Variants in SNW1 observed in about 807,000 individuals in gnomAD.
The protein encoded by SNW1 is SNW domain-containing protein 1.
Under a neutral mutation model 75.6 loss-of-function variants are expected in SNW1, and 9 were observed. The observed-to-expected ratio is 0.12, with a 90% CI of 0.07 to 0.21. The LOEUF is 0.21. Among genes scored for constraint, SNW1 ranks in the 10% least tolerant of loss-of-function variants. SNW1 has a pLI of 1.00. For missense variants in SNW1, 409 were observed against 670.9 expected (o/e 0.61, Z 4.31); for synonymous variants, 200 against 219.1 (o/e 0.91, Z 0.77).
rs7150066 is a variant in SNW1 at position 77,749,948 on chromosome 14, C to A, written c.330+1371G>T. Among the ~76,000 whole-genome samples the A allele has an allele frequency of 6.7e-3, 996 of 149,408 alleles. 13 individuals carry two copies. The highest frequency in any genetic ancestry group is 0.023 in the African/African-American group (942 of 40,540). On this transcript the variant is annotated intron_variant, in intron 3 of 13. Coordinates refer to ENST00000261531, the MANE Select transcript of SNW1 (RefSeq NM_012245.3). ...AGGTGCAGTGGCTCACGCCTGTGAT[C>A]CCAGCACTTTGGGTGGCAGAAGCAG...
chr14:77,738,005 A>AAAG (rs1555387643), intron 5 of SNW1, among the ~76,000 whole-genome samples: 40 of 150,722 alleles, frequency 2.7e-4, no homozygotes, highest in African/African-American at 9.3e-4. Flanking sequence ...AAAAAAAAAA[A>AAAG]AAAAAGAAAA....
chr14:77,721,889 C>T (rs1270445289), intron 11 of SNW1, among the ~76,000 whole-genome samples: 2 of 152,032 alleles, frequency 1.3e-5, no homozygotes, highest in Non-Finnish European at 1.5e-5. Flanking sequence ...CTGGGACTAC[C>T]GGCATGTGCC....
intron 10 of SNW1, among the ~76,000 whole-genome samples, chr14:77,727,762 A>T (rs546086747): frequency 6.6e-6 from 1 of 152,176 alleles, no homozygotes. Flanking sequence ...ATGATGAATG[A>T]TATTTTTTAA....
In SNW1 at chr14:77,735,911, A is replaced by G. The variant is rs746550598; in HGVS notation, c.708+26T>C. The G allele has an allele frequency of 1.8e-5, 29 of 1,596,980 alleles. No homozygotes were observed. In the Admixed American group the frequency reaches 4.9e-4, roughly 27 times the overall value. On this transcript the variant is annotated intron_variant, in intron 7 of 13. Coordinates refer to ENST00000261531, the MANE Select transcript of SNW1 (RefSeq NM_012245.3). The stretch of plus-strand genomic sequence containing the variant: ...AATTAATAACCATGAGTAGAAAAAA[A>G]TATTTTGGACTACAGCAAAGAATAC...
intron 5 of SNW1, among the ~76,000 whole-genome samples, chr14:77,737,932 C>T (rs1355619598): frequency 1.6e-5 from 2 of 128,902 alleles, no homozygotes; most frequent in Admixed American, 9.4e-5. Context: ...GCAGAGGTTG[C>T]AGTGAGCCAA....
chr14:77,758,025 T>C (rs1017327044), intron 1 of SNW1, among the ~76,000 whole-genome samples: 9 of 47,630 alleles, frequency 1.9e-4, no homozygotes, highest in Admixed American at 1.8e-3. Flanking sequence ...TATCTATCTA[T>C]TGCAATCAAT....
At chr14:77,725,319 G>A (rs2080576455) in intron 10 of SNW1, among the ~76,000 whole-genome samples, 1 of 152,164 alleles carries the variant, frequency 6.6e-6, no homozygotes, top group Non-Finnish European at 1.5e-5. Flanking sequence ...CTGTGCAGAA[G>A]CTTTTCAGCT....
At position 77,720,840 on chromosome 14, in the gene SNW1, T is replaced by TA; in HGVS notation, c.1131-13dup. 1 of 1,544,994 alleles carries TA rather than the reference T, an allele frequency of 6.5e-7. No homozygotes were observed. Among genetic ancestry groups the TA allele is most frequent in the Non-Finnish European group, 8.9e-7 (1 of 1,118,156 alleles). The stretch of plus-strand genomic sequence containing the variant: ...TCTGAAGTTTCGACCTATTTTGAAA[T>TA]ACGACATCACTAACTGAAAACTCTT... On this transcript the variant is annotated splice_polypyrimidine_tract_variant and intron_variant, in intron 11 of 13. Coordinates refer to ENST00000261531, the MANE Select transcript of SNW1 (RefSeq NM_012245.3).
At chr14:77,725,020 CT>C (rs933797855) in intron 10 of SNW1, among the ~76,000 whole-genome samples, 1 of 152,088 alleles carries the variant, frequency 6.6e-6, no homozygotes, top group African/African-American at 2.4e-5. Context: ...CTATTATTGC[CT>C]TTTTAATGAT....
At chr14:77,721,743 TTTTTTTA>T (rs767118557) in intron 11 of SNW1, among the ~76,000 whole-genome samples, 52 of 152,184 alleles carry the variant, frequency 3.4e-4, no homozygotes, top group Non-Finnish European at 4.7e-4. Context: ...TTTATTTTTA[TTTTTTTA>T]TTTTTTATTT....
At chr14:77,759,417 G>A (rs2080868135) in intron 1 of SNW1, among the ~76,000 whole-genome samples, 1 of 152,162 alleles carries the variant, frequency 6.6e-6, no homozygotes, top group Admixed American at 6.5e-5. Flanking sequence ...GGGCGCTGAG[G>A]CAGGAGGATC....
Position 77,718,131 on chromosome 14 carries a change from G to C in SNW1, c.1568C>G (p.Pro523Arg). Reference sequence around the variant, plus strand: ...CTTGCCTTCATGCTCGTGTTCCTTGGGGCGGCTGCTATCTGAGGGTCTTTT... The same window carrying C: ...CTTGCCTTCATGCTCGTGTTCCTTGCGGCGGCTGCTATCTGAGGGTCTTTT... ...GSKRPSDSSR[P>R]KEHEHEGKKR... Residue 523 changes from proline to arginine, a missense_variant, in exon 14 of 14, where the codon CCC becomes CGC. This residue lies in a region of SNW1 where 24 missense variants were observed against 31.0 expected (regional missense o/e 0.77). Transcript: ENST00000261531. 1 of 1,609,018 alleles carries C rather than the reference G, an allele frequency of 6.2e-7. No homozygotes were observed. The highest frequency in any genetic ancestry group is 8.5e-7 in the Non-Finnish European group (1 of 1,177,894).
At chr14:77,743,008 C>T (rs938779912) in intron 3 of SNW1, among the ~76,000 whole-genome samples, 1 of 151,570 alleles carries the variant, frequency 6.6e-6, no homozygotes, top group African/African-American at 2.4e-5. Context: ...GGTGGATCAC[C>T]TGAGGTTGGG....
At position 77,718,001 on chromosome 14, in the gene SNW1, T is replaced by G. The variant is rs2080503113; in HGVS notation, c.*87A>C. Reference sequence around the variant, plus strand: ...ATCTGGCACCCAGATTTGGTTTTTATCCTGACCATTTACAAAGTGTTCCCC... The same window carrying G: ...ATCTGGCACCCAGATTTGGTTTTTAGCCTGACCATTTACAAAGTGTTCCCC... On this transcript the variant is annotated 3_prime_UTR_variant, in exon 14 of 14. Transcript: ENST00000261531. The G allele has an allele frequency of 7.6e-7, 1 of 1,312,452 alleles. No homozygotes were observed. Among genetic ancestry groups the G allele is most frequent in the Non-Finnish European group, 1.0e-6 (1 of 962,534 alleles). The allele number at this position is 1,312,452 out of a possible 1,614,324, so 81.3% of individuals were successfully genotyped here. A position where few individuals can be genotyped will look rare whatever the true frequency, so the allele number is the denominator to read the frequency against.
intron 12 of SNW1, 108 bp downstream of exon 12, chr14:77,720,603 T>C (rs1187047129): frequency 1.2e-6 from 1 of 817,592 alleles, no homozygotes; most frequent in Non-Finnish European, 2.2e-6. Context: ...CCAATTTTTT[T>C]GTCATCATGC....
chr14:77,725,010 C>G (rs1039520339), intron 10 of SNW1, among the ~76,000 whole-genome samples: 10 of 152,110 alleles, frequency 6.6e-5, no homozygotes, highest in African/African-American at 2.4e-4. Flanking sequence ...TCGCCAGCAT[C>G]TATTATTGCC....
intron 9 of SNW1, among the ~76,000 whole-genome samples, 173 bp from the exon 10 acceptor site, chr14:77,731,302 C>T (rs1414988048): frequency 6.6e-6 from 1 of 152,230 alleles, no homozygotes; most frequent in Non-Finnish European, 1.5e-5. Context: ...CTGGAAGACA[C>T]TGCAAGGTCA....
intron 3 of SNW1, among the ~76,000 whole-genome samples, chr14:77,740,771 T>A (rs1239085460): frequency 6.6e-6 from 1 of 152,134 alleles, no homozygotes; most frequent in Non-Finnish European, 1.5e-5. Context: ...ATTATCTACT[T>A]TACATGGTTA....
At chr14:77,761,064 A>T (rs113007070) in intron 1 of SNW1, 50 bp downstream of exon 1, 2 of 1,614,062 alleles carry the variant, frequency 1.2e-6, no homozygotes, top group Non-Finnish European at 1.7e-6. Flanking sequence ...AATGAAGAAG[A>T]CTGGTACTCC....
Sources: gnomAD v4.1 joint callset for allele counts (sites outside exome capture counted in the v4.1 genomes callset) on GRCh38, gnomAD v4.1.1 for gene constraint, gnomAD v4.1.1 regional missense constraint, MANE v1.5 for transcripts, NCBI Gene and HGNC (gene_info 2026-07-23, HGNC 2026-07-21) for gene names.